BUD13: variants seen among roughly 807,000 people sequenced by gnomAD.
BUD13 encodes BUD13 homolog.
In BUD13, 47 loss-of-function variants were observed where a neutral mutation model predicts 62.5. The observed-to-expected ratio is 0.75, with a 90% CI of 0.60 to 0.96. BUD13 has a LOEUF of 0.96. BUD13 is among the 40% of genes least tolerant of loss of function. The probability of loss-of-function intolerance (pLI) is 0.00; values close to 1 mark genes in which losing one functional copy is unlikely to be tolerated. For synonymous variants in BUD13, 293 were observed against 280.1 expected, an observed-to-expected ratio of 1.05 and a Z score of -0.46; for missense variants, 821 against 790.9, an observed-to-expected ratio of 1.04 and a Z score of -0.46.
At chr11:116,760,634 A>C in intron 5 of BUD13, 101 bp downstream of exon 5, 5 of 1,317,274 alleles carry the variant, frequency 3.8e-6, no homozygotes, top group Non-Finnish European at 5.4e-6. Flanking sequence ...TACACTTCTC[A>C]GAGCTACATC....
chr11:116,768,463 T>C (rs1940568875), intron 2 of BUD13, among the ~76,000 whole-genome samples: 1 of 152,214 alleles, frequency 6.6e-6, no homozygotes, highest in Non-Finnish European at 1.5e-5. Context: ...TGAAGAGATA[T>C]GCATCCAAGT....
chr11:116,749,108 C>A (rs75817395), intron 9 of BUD13, among the ~76,000 whole-genome samples: 6,245 of 152,190 alleles, frequency 0.041, 394 homozygotes, highest in African/African-American at 0.14. Flanking sequence ...TCACACCCTT[C>A]CCCCACTCTG....
chr11:116,763,702 T>C (rs1345806082), intron 3 of BUD13, among the ~76,000 whole-genome samples: 2 of 152,154 alleles, frequency 1.3e-5, no homozygotes, highest in African/African-American at 2.4e-5. Context: ...TTGTGCAGAG[T>C]TCCCAGCTAG....
chr11:116,748,664 A>C, intron 9 of BUD13, 89 bp from the exon 10 acceptor site: 1 of 1,280,024 alleles, frequency 7.8e-7, no homozygotes, highest in Non-Finnish European at 1.1e-6. Flanking sequence ...ATATAATGAA[A>C]AGGGGGGAAA....
chr11:116,765,158 T>C (rs1940509093), intron 3 of BUD13, among the ~76,000 whole-genome samples: 1 of 152,178 alleles, frequency 6.6e-6, no homozygotes, highest in South Asian at 2.1e-4. Context: ...AATGCCAAAA[T>C]ATAAGAGAAA....
chr11:116,762,082 T>C (rs11602240), intron 4 of BUD13, among the ~76,000 whole-genome samples: 17,662 of 152,202 alleles, frequency 0.12, 1,354 homozygotes, highest in South Asian at 0.28. Flanking sequence ...TTAAACACTA[T>C]TAAAAATTAT....
intron 5 of BUD13, among the ~76,000 whole-genome samples, chr11:116,759,415 C>T (rs147463297): frequency 9.9e-5 from 15 of 152,282 alleles, no homozygotes; most frequent in African/African-American, 2.2e-4. Flanking sequence ...TGGAGGGCTA[C>T]GCATTTGTAT....
chr11:116,750,487 C>G (rs1243480107), intron 9 of BUD13, among the ~76,000 whole-genome samples: 1 of 152,222 alleles, frequency 6.6e-6, no homozygotes, highest in Non-Finnish European at 1.5e-5. Flanking sequence ...CAGGTCATCA[C>G]TGACATTCCT....
Position 116,757,891 on chromosome 11 carries a change from T to C in BUD13, c.1559A>G (p.Lys520Arg). 1 of 1,614,218 alleles carries C rather than the reference T, an allele frequency of 6.2e-7. No individual in the cohort carries two copies. Among genetic ancestry groups the C allele is most frequent in the Non-Finnish European group, 8.5e-7 (1 of 1,180,042 alleles). Residue 520 changes from lysine (K) to arginine (R), a missense_variant, in exon 8 of 10, where the codon AAG becomes AGG. By Grantham distance (26) the Lys-to-Arg change is conservative. Coordinates refer to ENST00000260210, the MANE Select transcript of BUD13 (RefSeq NM_032725.4). ...NVEDAMKEMQ[K>R]PLARYIDDED... The stretch of plus-strand genomic sequence containing the variant: ...GTCATCAATATAGCGGGCCAGAGGC[T>C]TTTGCATCTCTTTCATTGCATCCTC...
Position 116,770,228 on chromosome 11 carries a change from TG to T in BUD13, c.144-7del, listed in dbSNP as rs1940600096. ...CATCATCCACAATCCGCATTCTAAA[TG>T]AGAATAAGAAGATCAAAAAGAGTCA... On this transcript the variant is annotated splice_region_variant and splice_polypyrimidine_tract_variant and intron_variant, in intron 1 of 9. Transcript: ENST00000260210. The T allele has an allele frequency of 6.2e-7, 1 of 1,606,698 alleles. No homozygotes were observed. Among genetic ancestry groups the T allele is most frequent in the African/African-American group, 1.3e-5 (1 of 74,420 alleles).
chr11:116,772,520 G>A (rs1327642130), intron 1 of BUD13, among the ~76,000 whole-genome samples: 1 of 152,176 alleles, frequency 6.6e-6, no homozygotes, highest in Non-Finnish European at 1.5e-5. Context: ...TTATTCTCGA[G>A]GCACAATATT....
intron 5 of BUD13, 24 bp from the exon 6 acceptor site, chr11:116,759,203 C>G: frequency 1.3e-6 from 2 of 1,554,780 alleles, no homozygotes; most frequent in South Asian, 2.2e-5. Context: ...AAGGGAGCAT[C>G]CAACATTAAT....
intron 9 of BUD13, among the ~76,000 whole-genome samples, chr11:116,756,822 C>T (rs1940334112): frequency 6.6e-6 from 1 of 152,124 alleles, no homozygotes; most frequent in Non-Finnish European, 1.5e-5. Context: ...AGGTAGAAGG[C>T]TCCAGACTAC....
chr11:116,763,398 A>G, intron 3 of BUD13, 132 bp from the exon 4 acceptor site: 1 of 731,584 alleles, frequency 1.4e-6, no homozygotes, highest in Non-Finnish European at 2.1e-6. Context: ...AGGCCTGCAC[A>G]GTTTTCTTGC....
In BUD13 at chr11:116,751,115, C is replaced by T. The variant is rs57369256; in HGVS notation, c.1767-2540G>A. ...AGGCTCAACTTACTCTTCCTTTGTG[C>T]TCCCAAAACATCTTGAAAATCTTCT... On this transcript the variant is annotated intron_variant, in intron 9 of 9. Coordinates refer to ENST00000260210, the MANE Select transcript of BUD13 (RefSeq NM_032725.4). Among the ~76,000 whole-genome samples the T allele has an allele frequency of 8.7e-3, 1,327 of 152,324 alleles. 22 individuals carry two copies. The highest frequency in any genetic ancestry group is 0.03 in the African/African-American group (1,232 of 41,564).
intron 4 of BUD13, among the ~76,000 whole-genome samples, chr11:116,761,869 C>T (rs1345281197): frequency 1.3e-5 from 2 of 152,130 alleles, no homozygotes; most frequent in Non-Finnish European, 2.9e-5. Flanking sequence ...ATCTTCTGAC[C>T]CAGTACATCA....
intron 2 of BUD13, among the ~76,000 whole-genome samples, chr11:116,765,920 G>A (rs1249556320): frequency 6.6e-6 from 1 of 152,148 alleles, no homozygotes; most frequent in Non-Finnish European, 1.5e-5. Flanking sequence ...GAGCCACTGA[G>A]ATGTACACAG....
rs193108398 is a variant in BUD13, at chr11:116,756,461, G to A, written c.1766+685C>T. Among the ~76,000 whole-genome samples, 874 of 152,060 alleles carry A rather than the reference G, an allele frequency of 5.7e-3. 3 individuals carry two copies. Among genetic ancestry groups the A allele is most frequent in the Non-Finnish European group, 8.8e-3 (601 of 67,996 alleles). ...CAGGAGGCAGAGGTTGCAGTGAGCC[G>A]AGACTGCGCCACTGCACTCCAGCCT... On this transcript the variant is annotated intron_variant, in intron 9 of 9. Coordinates refer to ENST00000260210, the MANE Select transcript of BUD13 (RefSeq NM_032725.4).
chr11:116,768,554 C>A (rs1940570148), intron 2 of BUD13, among the ~76,000 whole-genome samples: 1 of 152,014 alleles, frequency 6.6e-6, no homozygotes, highest in Admixed American at 6.5e-5. Flanking sequence ...CCCAAATATT[C>A]TGTAATAAAT....
Sources: allele counts gnomAD v4.1 joint callset (sites outside exome capture counted in the v4.1 genomes callset), GRCh38; gene constraint gnomAD v4.1.1; transcripts MANE v1.5; gene names NCBI Gene and HGNC (gene_info 2026-07-23, HGNC 2026-07-21).